ACP6: variants seen among roughly 807,000 people sequenced by gnomAD.
ACP6 encodes the protein acid phosphatase 6, lysophosphatidic.
In ACP6, 48 loss-of-function variants were observed where a neutral mutation model predicts 48.1. The observed-to-expected ratio is 1.00, with a 90% CI of 0.79 to 1.27. The LOEUF is 1.27. Ranked by LOEUF, ACP6 falls within the 50% of genes most tolerant of loss-of-function variation. The pLI is 0.00. For synonymous variants in ACP6, 172 were observed against 204.2 expected (o/e 0.84, Z 1.34); for missense variants, 485 against 529.1 (o/e 0.92, Z 0.82).
chr1:147,652,528 G>T lies in ACP6; in HGVS notation c.802C>A (p.Pro268Thr). 6.2e-7 allele frequency: 1 copy of T among 1,614,074 alleles called. No individual in the cohort carries two copies. The highest frequency in any genetic ancestry group is 8.5e-7 in the Non-Finnish European group (1 of 1,180,008). ...AEQAHNLPSC[P>T]MLKRFARMIE... ...ATCCTTGCAAATCTCTTCAGCATGGGGCAGCTTGGGAGGTTGTGTGCCTGA... is the reference window on the plus strand; with the variant it reads ...ATCCTTGCAAATCTCTTCAGCATGGTGCAGCTTGGGAGGTTGTGTGCCTGA... The change falls in exon 7 of 10, where the codon CCC becomes ACC. Residue 268 changes from proline (P) to threonine (T), a missense_variant. Pro to Thr is a conservative substitution (Grantham distance 38, BLOSUM62 -1). Coordinates refer to ENST00000583509, the MANE Select transcript of ACP6 (RefSeq NM_016361.5).
rs1553211411 is a variant in ACP6, at chr1:147,655,258, A to G, written c.560-10T>C. On this transcript the variant is annotated splice_polypyrimidine_tract_variant and intron_variant, in intron 4 of 9. Transcript: ENST00000583509. ...TGGATGATGATGGGTCCTGGAAGAA[A>G]GGGAGGAAGCACAGGCAGGCAGAGG... 4 of 1,593,018 alleles carry G rather than the reference A, an allele frequency of 2.5e-6. No homozygotes were observed. The highest frequency in any genetic ancestry group is 1.7e-6 in the Non-Finnish European group (2 of 1,167,326).
At chr1:147,659,139 A>T in intron 3 of ACP6, 100 bp from the exon 4 acceptor site, 1 of 1,188,972 alleles carries the variant, frequency 8.4e-7, no homozygotes, top group Non-Finnish European at 1.2e-6. Flanking sequence ...TCAAGAGTAC[A>T]TAAGGAGAGC....
chr1:147,666,072 G>A lies in ACP6; in HGVS notation c.219+3758C>T, dbSNP rs117276953. Among the ~76,000 whole-genome samples, 111 of 152,272 alleles carry A rather than the reference G, an allele frequency of 7.3e-4. 1 individual carries two copies. In the East Asian group the frequency reaches 0.018, roughly 25 times the overall value. ...GACAAAGAAATGGATGCAGTAACAC[G>A]GTTACTAAAATATGTACACCATGAA... On this transcript the variant is annotated intron_variant, in intron 1 of 9. Coordinates refer to ENST00000583509, the MANE Select transcript of ACP6 (RefSeq NM_016361.5).
chr1:147,652,635 A>G (rs1285045138), intron 6 of ACP6, 86 bp from the exon 7 acceptor site: 1 of 1,607,996 alleles, frequency 6.2e-7, no homozygotes. Flanking sequence ...AACCTGCAGG[A>G]GCCCATCTTC....
downstream of ACP6, among the ~76,000 whole-genome samples, chr1:147,637,905 C>G (rs1485523100): frequency 6.6e-6 from 1 of 152,208 alleles, no homozygotes; most frequent in East Asian, 1.9e-4. Context: ...TGTGGCCAGT[C>G]TGCACCCTGT....
downstream of ACP6, among the ~76,000 whole-genome samples, chr1:147,641,751 G>T (rs1049256519): frequency 3.3e-5 from 5 of 152,212 alleles, no homozygotes; most frequent in African/African-American, 1.2e-4. Flanking sequence ...GAAAATGGAA[G>T]CTCAGAGAAA....
intron 5 of ACP6, among the ~76,000 whole-genome samples, chr1:147,632,288 C>T (rs1353085543): frequency 6.6e-6 from 1 of 151,958 alleles, no homozygotes; most frequent in Non-Finnish European, 1.5e-5. Flanking sequence ...ATCTTGCCCA[C>T]TGTGTGAAGT....
At chr1:147,636,531 A>T (rs1322154980) in intron 5 of ACP6, among the ~76,000 whole-genome samples, 1 of 152,204 alleles carries the variant, frequency 6.6e-6, no homozygotes, top group Non-Finnish European at 1.5e-5. Context: ...ATGTGCAGAT[A>T]TGGAAGGAAA....
chr1:147,653,028 C>T (rs1455581533), intron 6 of ACP6, among the ~76,000 whole-genome samples: 8 of 152,278 alleles, frequency 5.3e-5, no homozygotes, highest in African/African-American at 1.2e-4. Flanking sequence ...GGGGTTTCAC[C>T]GTGTTAGCCA....
In ACP6 at chr1:147,642,779, G is replaced by T. The variant is rs1384944536; in HGVS notation, c.*4644C>A. 5 of 152,190 alleles carry T rather than the reference G, an allele frequency of 3.3e-5. No individual in the cohort carries two copies. The East Asian group carries it at 9.6e-4, about 29-fold the overall frequency. 9.4% of individuals were successfully genotyped at this position (152,190 alleles called of 1,614,324 possible). On this transcript the variant is annotated 3_prime_UTR_variant, in exon 10 of 10. Coordinates refer to ENST00000583509, the MANE Select transcript of ACP6 (RefSeq NM_016361.5). Reference sequence around the variant, plus strand: ...TCATGGAGCTTCCATTTTAGTCAGGGAAATAAGCATATAGATACACAAATA... The same window carrying T: ...TCATGGAGCTTCCATTTTAGTCAGGTAAATAAGCATATAGATACACAAATA...
chr1:147,648,838 A>T (rs1659764942), intron 8 of ACP6, among the ~76,000 whole-genome samples: 1 of 152,184 alleles, frequency 6.6e-6, no homozygotes, highest in South Asian at 2.1e-4. Flanking sequence ...TTTATTTCAA[A>T]ATAATATTCA....
chr1:147,634,236 T>C (rs1659242179), intron 5 of ACP6, among the ~76,000 whole-genome samples: 1 of 152,176 alleles, frequency 6.6e-6, no homozygotes, highest in Non-Finnish European at 1.5e-5. Context: ...TTACTGGCCA[T>C]TTGTGTATCC....
At chr1:147,633,079 G>A (rs781913415) in intron 5 of ACP6, among the ~76,000 whole-genome samples, 7 of 152,176 alleles carry the variant, frequency 4.6e-5, no homozygotes, top group East Asian at 1.9e-4. Context: ...TGAGCCGTCC[G>A]ATAATGGGAG....
intron 4 of ACP6, among the ~76,000 whole-genome samples, chr1:147,655,501 C>A (rs916555128): frequency 6.6e-6 from 1 of 152,178 alleles, no homozygotes; most frequent in Non-Finnish European, 1.5e-5. Context: ...GCCCTCCTAT[C>A]GGGCCACAAA....
chr1:147,664,932 T>C (rs1229363270), intron 1 of ACP6, among the ~76,000 whole-genome samples: 1 of 152,174 alleles, frequency 6.6e-6, no homozygotes, highest in Non-Finnish European at 1.5e-5. Context: ...AGCAAATACC[T>C]GTACTTATAA....
downstream of ACP6, among the ~76,000 whole-genome samples, chr1:147,640,881 T>C (rs1659429791): frequency 1.3e-5 from 2 of 152,192 alleles, no homozygotes; most frequent in South Asian, 4.1e-4. Flanking sequence ...TTCTAGAGGC[T>C]GGCAGGGTGG....
At chr1:147,648,133 G>A in intron 9 of ACP6, 113 bp downstream of exon 9, 1 of 1,267,586 alleles carries the variant, frequency 7.9e-7, no homozygotes, top group East Asian at 2.4e-5. Flanking sequence ...AGAGCTGACT[G>A]TGCCAAGAGA....
intron 8 of ACP6, chr1:147,649,915 A>G (rs587735624): frequency 5.7e-6 from 3 of 523,414 alleles, no homozygotes; most frequent in East Asian, 7.0e-5. Context: ...TTAATAAAAA[A>G]AAGAGAGAGA....
Position 147,659,545 on chromosome 1 carries a change from A to C in ACP6, c.349-19T>G. ...TGCCCCCCTAAAGTAGGGAAGAAAG[A>C]GAAAGAAGAATGAAAACACCTGACA... On this transcript the variant is annotated intron_variant, in intron 2 of 9. Coordinates refer to ENST00000583509, the MANE Select transcript of ACP6 (RefSeq NM_016361.5). The C allele has an allele frequency of 6.2e-7, 1 of 1,611,728 alleles. No homozygotes were observed. Among genetic ancestry groups the C allele is most frequent in the Non-Finnish European group, 8.5e-7 (1 of 1,179,912 alleles).
Sources: gnomAD v4.1 joint callset for allele counts (sites outside exome capture counted in the v4.1 genomes callset) on GRCh38, gnomAD v4.1.1 for gene constraint, MANE v1.5 for transcripts, NCBI Gene and HGNC (gene_info 2026-07-23, HGNC 2026-07-21) for gene names.